The following BTNL3 variants were observed in gnomAD, a reference collection of about 807,000 sequenced individuals.
BTNL3 encodes butyrophilin like 3, also known as butyrophilin-like protein 3.
Under a neutral mutation model 40.1 loss-of-function variants are expected in BTNL3, and 20 were observed. The ratio of observed to expected loss-of-function variants is 0.50; its 90% CI spans 0.35 to 0.72. BTNL3 has a LOEUF of 0.72. BTNL3 is among the 30% of genes least tolerant of loss of function. The probability of loss-of-function intolerance (pLI) is 0.01; values close to 1 mark genes in which losing one functional copy is unlikely to be tolerated. For synonymous variants in BTNL3, 179 were observed against 222.1 expected (o/e 0.81, Z 1.73); for missense variants, 449 against 582.2 (o/e 0.77, Z 2.35).
chr5:180,993,165 G>T lies in BTNL3; in HGVS notation c.397+5G>T. 1 of 1,427,190 alleles carries T rather than the reference G, an allele frequency of 7.0e-7. No homozygotes were observed. The highest frequency in any genetic ancestry group is 9.6e-7 in the Non-Finnish European group (1 of 1,039,892). 88.4% of individuals were successfully genotyped at this position (1,427,190 alleles called of 1,614,324 possible). On this transcript the variant is annotated splice_donor_5th_base_variant and intron_variant, in intron 2 of 7. Transcript: ENST00000342868. ...CCTGGGAGCTGCGGGTGGCAGGTCAGTTGTTTATTTATGACTGAGTTGTCT... is the reference window on the plus strand; with the variant it reads ...CCTGGGAGCTGCGGGTGGCAGGTCATTTGTTTATTTATGACTGAGTTGTCT...
intron 3 of BTNL3, among the ~76,000 whole-genome samples, chr5:180,998,193 GA>G (rs1760058938): frequency 7.3e-6 from 1 of 136,826 alleles, no homozygotes; most frequent in Non-Finnish European, 1.7e-5. Context: ...AAATACTCGA[GA>G]AATATTAATC....
chr5:180,997,319 AG>A lies in BTNL3; in HGVS notation c.506del (p.Gly169ValfsTer28). ...WFPQPTAKWK[G>X]PQGQDLSSDS... ...TCCCCCAGCCCACAGCCAAGTGGAA[AG>A]GTCCACAAGGACAGGATTTGTCTTC... is the stretch of plus-strand genomic sequence containing the variant. On this transcript the variant is annotated frameshift_variant, in exon 3 of 8. Coordinates refer to ENST00000342868, the MANE Select transcript of BTNL3 (RefSeq NM_197975.3). LOFTEE classifies it high-confidence loss of function. 1 of 1,464,766 alleles carries A rather than the reference AG, an allele frequency of 6.8e-7. No individual in the cohort carries two copies. Among genetic ancestry groups the A allele is most frequent in the Non-Finnish European group, 9.4e-7 (1 of 1,059,482 alleles). The allele number at this position is 1,464,766 out of a possible 1,614,324, so 90.7% of individuals were successfully genotyped here.
chr5:181,002,687 C>A lies in BTNL3; in HGVS notation c.689C>A (p.Pro230His), dbSNP rs1200035361. The A allele has an allele frequency of 6.9e-7, 1 of 1,455,446 alleles. No homozygotes were observed. Among genetic ancestry groups the A allele is most frequent in the African/African-American group, 1.4e-5 (1 of 71,400 alleles). The allele number at this position is 1,455,446 out of a possible 1,614,324, so 90.2% of individuals were successfully genotyped here. A position where few individuals can be genotyped will look rare whatever the true frequency, so the allele number is the denominator to read the frequency against. ...TGTTTTTCAGAGACGTTTTTCCAGC[C>A]CTCACCTTGGCGCCTGGCTTCTATT... ...KVLIGETFFQ[P>H]SPWRLASILL... The change falls in exon 4 of 8, where the codon CCC (proline) becomes CAC (histidine). Residue 230 changes from proline (P) to histidine (H), a missense_variant. Around this residue, in one of 2 missense-constraint regions of BTNL3, gnomAD observed 323 missense variants for 464.9 expected, o/e 0.69. Transcript: ENST00000342868.
chr5:180,996,521 G>A (rs1003827481), intron 2 of BTNL3, among the ~76,000 whole-genome samples: 4 of 136,726 alleles, frequency 2.9e-5, no homozygotes, highest in African/African-American at 1.0e-4. Flanking sequence ...GTCAGTGAAG[G>A]TATGACCTCC....
rs762478493 is a variant in BTNL3 at position 181,005,669 on chromosome 5, C to A, written c.1198C>A (p.Pro400Thr). The A allele has an allele frequency of 1.3e-5, 21 of 1,614,066 alleles. No individual in the cohort carries two copies. The East Asian group carries it at 2.2e-4, about 17-fold the overall frequency. The change falls in exon 8 of 8, where the codon CCC becomes ACC. Residue 400 changes from proline to threonine, a missense_variant. Physicochemically the swap from Pro to Thr is conservative, Grantham distance 38. This residue lies in a region of BTNL3 where 126 missense variants were observed against 117.2 expected (regional missense o/e 1.07). Transcript: ENST00000342868. ...CAATCCCCATTTTATCAGCCTCCCC[C>A]CCAGCACCCCTCCTACACGAGTAGG... ...TFNPHFISLP[P>T]STPPTRVGVF...
chr5:181,005,425 G>T lies in BTNL3; in HGVS notation c.954G>T (p.Val318=). 1 of 1,614,094 alleles carries T rather than the reference G, an allele frequency of 6.2e-7. No homozygotes were observed. Among genetic ancestry groups the T allele is most frequent in the Non-Finnish European group, 8.5e-7 (1 of 1,180,012 alleles). The change falls in exon 8 of 8, where the codon GTG becomes GTT. Residue 318 remains valine (V), a synonymous_variant. Transcript: ENST00000342868. ...TVTHRKAPQE[V]PHSEKRFTRK... ...CCCATAGAAAAGCTCCCCAGGAGGT[G>T]CCTCACTCTGAGAAGAGATTTACAA...
At chr5:181,004,361 C>T in intron 5 of BTNL3, 56 bp from the exon 6 acceptor site, 2 of 800,662 alleles carry the variant, frequency 2.5e-6, no homozygotes, top group Non-Finnish European at 4.0e-6. Context: ...TCCCTGGGCC[C>T]CCGCTCTGTG....
At chr5:181,003,720 C>T (rs894269536) in intron 4 of BTNL3, 136 bp from the exon 5 acceptor site, 44 of 1,495,318 alleles carry the variant, frequency 2.9e-5, no homozygotes, top group African/African-American at 2.5e-4. Context: ...GCTGGGGAGA[C>T]GAGCACATAT....
chr5:181,002,450 G>A (rs1760132925), intron 3 of BTNL3, among the ~76,000 whole-genome samples: 1 of 62,632 alleles, frequency 1.6e-5, no homozygotes, highest in South Asian at 4.2e-4. Flanking sequence ...AAGCTTTAAC[G>A]CGCACACACA....
chr5:181,006,062 G>C lies in BTNL3; in HGVS notation c.*190G>C, dbSNP rs747670074. 26 of 622,664 alleles carry C rather than the reference G, an allele frequency of 4.2e-5. No individual in the cohort carries two copies. Among genetic ancestry groups the C allele is most frequent in the Non-Finnish European group, 6.3e-5 (24 of 378,804 alleles). The allele number at this position is 622,664 out of a possible 1,614,324, so 38.6% of individuals were successfully genotyped here. A position where few individuals can be genotyped will look rare whatever the true frequency, so the allele number is the denominator to read the frequency against. ...GCAGCAGCGGCAGTCACAGCTTCCA[G>C]ATGAGGGGGGATTGGCCTGACCCTG... On this transcript the variant is annotated 3_prime_UTR_variant, in exon 8 of 8. Coordinates refer to ENST00000342868, the MANE Select transcript of BTNL3 (RefSeq NM_197975.3).
chr5:181,004,038 C>T, intron 5 of BTNL3, 162 bp downstream of exon 5: 1 of 1,536,384 alleles, frequency 6.5e-7, no homozygotes, highest in South Asian at 1.1e-5. Flanking sequence ...CATGAGTTAC[C>T]CCTCGGACAT....
chr5:181,000,943 G>A (rs1301568605), intron 3 of BTNL3, among the ~76,000 whole-genome samples: 2 of 136,154 alleles, frequency 1.5e-5, no homozygotes, highest in Non-Finnish European at 3.4e-5. Flanking sequence ...CTTCAATAAG[G>A]GAAGAAAATG....
intron 1 of BTNL3, among the ~76,000 whole-genome samples, chr5:180,989,330 G>C (rs146308229): frequency 7.3e-6 from 1 of 136,702 alleles, no homozygotes; most frequent in East Asian, 2.2e-4. Context: ...AATAATGGGA[G>C]CAGGCCCTGG....
At position 180,992,911 on chromosome 5, in the gene BTNL3, G is replaced by T; in HGVS notation, c.148G>T (p.Ala50Ser). 6.8e-7 allele frequency: 1 copy of T among 1,463,458 alleles called. No individual in the cohort carries two copies. The highest frequency in any genetic ancestry group is 2.4e-5 in the East Asian group (1 of 41,004). The allele number at this position is 1,463,458 out of a possible 1,614,324, so 90.7% of individuals were successfully genotyped here. Residue 50 changes from alanine (A) to serine (S), a missense_variant, in exon 2 of 8, where the codon GCT becomes TCT. Ala to Ser is a moderately conservative substitution (Grantham distance 99, BLOSUM62 1). Coordinates refer to ENST00000342868, the MANE Select transcript of BTNL3 (RefSeq NM_197975.3). ...CSLFPETSAE[A>S]MEVRFFRNQF... ...CCTCTTTCCTGAGACCAGTGCAGAG[G>T]CTATGGAAGTGCGGTTCTTCAGGAA...
rs1244461886 is a variant in BTNL3, at chr5:180,999,499, T to C, written c.673+2011T>C. ...GAATATGATGAAGTGAAAGTTTTCA[T>C]AGAAAAATGTAAAATACAGGACAGG... On this transcript the variant is annotated intron_variant, in intron 3 of 7. Coordinates refer to ENST00000342868, the MANE Select transcript of BTNL3 (RefSeq NM_197975.3). Among the ~76,000 whole-genome samples, 2 of 136,672 alleles carry C rather than the reference T, an allele frequency of 1.5e-5. 1 individual carries two copies. The highest frequency in any genetic ancestry group is 3.3e-5 in the Non-Finnish European group (2 of 59,760). The allele number at this position is 136,672 out of a possible 152,430, so 89.7% of individuals were successfully genotyped here. A position where few individuals can be genotyped will look rare whatever the true frequency, so the allele number is the denominator to read the frequency against.
rs1291755854 is a variant in BTNL3, at chr5:180,996,291, C to G, written c.398-922C>G. 2.2e-5 allele frequency among the ~76,000 whole-genome samples: 3 copies of G among 136,618 alleles called. 1 individual carries two copies. The highest frequency in any genetic ancestry group is 5.0e-5 in the Non-Finnish European group (3 of 59,772). 89.6% of individuals were successfully genotyped at this position (136,618 alleles called of 152,430 possible). Reference sequence around the variant, plus strand: ...TGCCGTTCCCCTTCTCAGAGCCCTCCTCCTCCCCAGCCCTTCTTTTCTCTC... The same window carrying G: ...TGCCGTTCCCCTTCTCAGAGCCCTCGTCCTCCCCAGCCCTTCTTTTCTCTC... On this transcript the variant is annotated intron_variant, in intron 2 of 7. Transcript: ENST00000342868.
chr5:180,998,852 C>T (rs1030638717), intron 3 of BTNL3, among the ~76,000 whole-genome samples: 3 of 137,498 alleles, frequency 2.2e-5, no homozygotes, highest in Admixed American at 7.6e-5. Context: ...TCTGGCCGGG[C>T]GCAGTGGCTC....
Position 181,006,349 on chromosome 5 carries a change from CTGTT to C in BTNL3, c.*480_*483del, listed in dbSNP as rs1222513372. ...ATTATACATTTTCCCACCATAAACTCTGTTTGCTTATTCCACATTAATTTACTTT... is the reference window on the plus strand; with the variant it reads ...ATTATACATTTTCCCACCATAAACTCTGCTTATTCCACATTAATTTACTTT... On this transcript the variant is annotated 3_prime_UTR_variant, in exon 8 of 8. Transcript: ENST00000342868. 1 of 222,768 alleles carries C rather than the reference CTGTT, an allele frequency of 4.5e-6. No individual in the cohort carries two copies. The highest frequency in any genetic ancestry group is 2.3e-5 in the African/African-American group (1 of 44,150). The allele number at this position is 222,768 out of a possible 1,614,324, so 13.8% of individuals were successfully genotyped here.
In BTNL3 at chr5:180,993,129, T is replaced by A. The variant is rs1561958875; in HGVS notation, c.366T>A (p.Asp122Glu). 6 of 1,445,558 alleles carry A rather than the reference T, an allele frequency of 4.2e-6. 2 individuals carry two copies. The highest frequency in any genetic ancestry group is 5.7e-6 in the Non-Finnish European group (6 of 1,049,258). 89.5% of individuals were successfully genotyped at this position (1,445,558 alleles called of 1,614,324 possible). ...GCTGGTTCAGTTCCCAGATTTACGA[T>A]GAGGAGGCCACCTGGGAGCTGCGGG... is the stretch of plus-strand genomic sequence containing the variant. Reference protein sequence around the residue: ...YGCWFSSQIYDEEATWELRVA... With the variant: ...YGCWFSSQIYEEEATWELRVA... Residue 122 changes from aspartate (D) to glutamate (E), a missense_variant, in exon 2 of 8, where the codon GAT becomes GAA. By Grantham distance (45) the Asp-to-Glu change is conservative (BLOSUM62 2). Transcript: ENST00000342868.
Sources: allele counts gnomAD v4.1 joint callset (sites outside exome capture counted in the v4.1 genomes callset), GRCh38; gene constraint gnomAD v4.1.1; regional missense constraint gnomAD v4.1.1; transcripts MANE v1.5; gene names NCBI Gene and HGNC (gene_info 2026-07-23, HGNC 2026-07-21).